Variants in PEDS1 observed in about 807,000 individuals in gnomAD.
PEDS1 encodes the protein plasmanylethanolamine desaturase 1, also known as CarF homolog.
A neutral mutation model predicts 35.2 loss-of-function variants in PEDS1; 14 were observed. The ratio of observed to expected loss-of-function variants is 0.40; its 90% CI spans 0.26 to 0.62. The LOEUF is 0.62. Ranked by LOEUF, PEDS1 falls within the 20% of genes least tolerant of loss-of-function variation. The pLI is 0.44. For missense variants in PEDS1, 260 were observed against 367.8 expected (o/e 0.71, Z 2.40); for synonymous variants, 152 against 152.0 (o/e 1.00, Z 0.00).
At chr20:50,152,228 G>A (rs956794330) in intron 1 of PEDS1, among the ~76,000 whole-genome samples, 1 of 152,210 alleles carries the variant, frequency 6.6e-6, no homozygotes, top group Non-Finnish European at 1.5e-5. Context: ...GTGAGGAAAT[G>A]CAAATGGTCC....
Position 50,130,206 on chromosome 20 carries a change from T to A in PEDS1, c.334-516A>T, listed in dbSNP as rs190005118. Among the ~76,000 whole-genome samples the A allele has an allele frequency of 1.7e-3, 262 of 152,172 alleles. 1 individual carries two copies. Among genetic ancestry groups the A allele is most frequent in the Non-Finnish European group, 2.2e-3 (153 of 68,006 alleles). On this transcript the variant is annotated intron_variant, in intron 3 of 5. Transcript: ENST00000371652. ...CCTGAGGGCCCAGCACGTGACCCAA[T>A]CTGGGCCAATGGGAGTGAGCCGTGG...
Position 50,128,291 on chromosome 20 carries a change from C to A in PEDS1, c.479-104G>T. 7.1e-7 allele frequency: 1 copy of A among 1,405,736 alleles called. No individual in the cohort carries two copies. Among genetic ancestry groups the A allele is most frequent in the Non-Finnish European group, 9.7e-7 (1 of 1,033,028 alleles). 87.1% of individuals were successfully genotyped at this position (1,405,736 alleles called of 1,614,324 possible). On this transcript the variant is annotated intron_variant, in intron 4 of 5. Transcript: ENST00000371652. The surrounding 1 kb of genome is among the most constrained non-coding windows in gnomAD (Gnocchi z 5.2). Reference sequence around the variant, plus strand: ...GCTCCTGGGCGGCTCCTGAGCTGGGCAAGCACCCAGGATTCTCTTCCACCC... The same window carrying A: ...GCTCCTGGGCGGCTCCTGAGCTGGGAAAGCACCCAGGATTCTCTTCCACCC...
In PEDS1 at chr20:50,121,903, C is replaced by T. The variant is rs1374877065; in HGVS notation, c.*3155G>A. ...TAAAGAATTTAGCTGCCTGTCCCAT[C>T]CACCATTGACTTCTTTTTGTAGTAA... On this transcript the variant is annotated 3_prime_UTR_variant, in exon 6 of 6. Transcript: ENST00000371652. 1.3e-5 allele frequency: 2 copies of T among 152,204 alleles called. No individual in the cohort carries two copies. Among genetic ancestry groups the T allele is most frequent in the Non-Finnish European group, 1.5e-5 (1 of 68,048 alleles). The allele number at this position is 152,204 out of a possible 1,614,324, so 9.4% of individuals were successfully genotyped here.
intron 1 of PEDS1, among the ~76,000 whole-genome samples, chr20:50,146,515 T>A (rs1167139570): frequency 6.6e-6 from 1 of 152,072 alleles, no homozygotes; most frequent in Non-Finnish European, 1.5e-5. Flanking sequence ...CTCACCGACA[T>A]ACCTTGGGAA....
chr20:50,143,390 C>A, intron 2 of PEDS1, 112 bp downstream of exon 2: 1 of 1,497,546 alleles, frequency 6.7e-7, no homozygotes, highest in Non-Finnish European at 9.0e-7. Context: ...AAGGCACATA[C>A]TGGACTCAAG....
At position 50,149,231 on chromosome 20, in the gene PEDS1, G is replaced by A. The variant is rs112352985; in HGVS notation, c.121+4286C>T. The stretch of plus-strand genomic sequence containing the variant: ...CCTGGGTTCAGCTTTGGGAGTACAG[G>A]CCAGGACTCTCACCCAGTACTCCTG... On this transcript the variant is annotated intron_variant, in intron 1 of 5. Coordinates refer to ENST00000371652, the MANE Select transcript of PEDS1 (RefSeq NM_199129.4). 1.6e-3 allele frequency among the ~76,000 whole-genome samples: 243 copies of A among 152,232 alleles called. 2 individuals are homozygous for A. Among genetic ancestry groups the A allele is most frequent in the Non-Finnish European group, 2.6e-3 (180 of 68,012 alleles).
Position 50,153,589 on chromosome 20 carries a change from C to T in PEDS1, c.49G>A (p.Asp17Asn), listed in dbSNP as rs1015607501. ...WPGQQLELDE[D>N]EASCCRWGAQ... The stretch of plus-strand genomic sequence containing the variant: ...CCCCAGCGGCAACAAGACGCCTCGT[C>T]CTCGTCCAGCTCCAGCTGCTGGCCC... The change falls in exon 1 of 6, where the codon GAC (aspartate) becomes AAC (asparagine). Residue 17 changes from aspartate (D) to asparagine (N), a missense_variant. This residue lies in a region of PEDS1 where 114 missense variants were observed against 121.6 expected (regional missense o/e 0.94). Coordinates refer to ENST00000371652, the MANE Select transcript of PEDS1 (RefSeq NM_199129.4). The T allele has an allele frequency of 7.0e-7, 1 of 1,427,822 alleles. No homozygotes were observed. Among genetic ancestry groups the T allele is most frequent in the Admixed American group, 2.5e-5 (1 of 40,714 alleles). The allele number at this position is 1,427,822 out of a possible 1,614,324, so 88.4% of individuals were successfully genotyped here.
rs2081063340 is a variant in PEDS1, at chr20:50,122,942, A to AG, written c.*2115_*2116insC. On this transcript the variant is annotated 3_prime_UTR_variant, in exon 6 of 6. Transcript: ENST00000371652. Reference sequence around the variant, plus strand: ...GTGAGACCCCATTTCTTTAAAAAAAAAAAAAAATAGCCAAGCCAGGTGTGG... The same window carrying AG: ...GTGAGACCCCATTTCTTTAAAAAAAAGAAAAAAATAGCCAAGCCAGGTGTGG... 6.6e-6 allele frequency: 1 copy of AG among 151,382 alleles called. No homozygotes were observed. The highest frequency in any genetic ancestry group is 1.5e-5 in the Non-Finnish European group (1 of 67,934). The allele number at this position is 151,382 out of a possible 1,614,324, so 9.4% of individuals were successfully genotyped here. A position where few individuals can be genotyped will look rare whatever the true frequency, so the allele number is the denominator to read the frequency against.
At chr20:50,152,846 C>T (rs920646084) in intron 1 of PEDS1, among the ~76,000 whole-genome samples, 2 of 151,782 alleles carry the variant, frequency 1.3e-5, no homozygotes, top group Non-Finnish European at 2.9e-5. Context: ...AGGACTGATG[C>T]TCACCACTGG....
chr20:50,138,965 C>A (rs536638050), intron 2 of PEDS1, among the ~76,000 whole-genome samples: 3 of 152,210 alleles, frequency 2.0e-5, no homozygotes, highest in South Asian at 4.1e-4. Flanking sequence ...GACTTCCTCA[C>A]CCCTCCCTGC....
intron 2 of PEDS1, among the ~76,000 whole-genome samples, chr20:50,135,055 C>A (rs1019178673): frequency 1.3e-5 from 2 of 151,556 alleles, no homozygotes; most frequent in Non-Finnish European, 2.9e-5. Context: ...TGTGGTGGTG[C>A]GGACCTGTAG....
chr20:50,126,823 T>G (rs1040377044), intron 5 of PEDS1, among the ~76,000 whole-genome samples: 4 of 152,204 alleles, frequency 2.6e-5, no homozygotes, highest in African/African-American at 9.7e-5. Context: ...TTTCCCTTCC[T>G]CCACTGCACT....
intron 5 of PEDS1, among the ~76,000 whole-genome samples, chr20:50,126,283 T>C (rs1446201072): frequency 1.3e-5 from 2 of 152,140 alleles, no homozygotes; most frequent in African/African-American, 2.4e-5. Context: ...TCAGTCCCAT[T>C]TTCCACATGA....
chr20:50,130,963 T>C lies in PEDS1; in HGVS notation c.242-16A>G, dbSNP rs2147276108. On this transcript the variant is annotated splice_polypyrimidine_tract_variant and intron_variant, in intron 2 of 5. Coordinates refer to ENST00000371652, the MANE Select transcript of PEDS1 (RefSeq NM_199129.4). ...GCCCCTGCAACTGTGGACAAGAGGGTGAGTGAAGGGACATCCCTGCACCCC... is the reference window on the plus strand; with the variant it reads ...GCCCCTGCAACTGTGGACAAGAGGGCGAGTGAAGGGACATCCCTGCACCCC... The C allele has an allele frequency of 6.2e-7, 1 of 1,614,126 alleles. No homozygotes were observed. The highest frequency in any genetic ancestry group is 1.1e-5 in the South Asian group (1 of 91,070).
At chr20:50,144,867 A>G (rs1020748183) in intron 1 of PEDS1, among the ~76,000 whole-genome samples, 1 of 152,196 alleles carries the variant, frequency 6.6e-6, no homozygotes, top group African/African-American at 2.4e-5. Flanking sequence ...TTAAAGTACT[A>G]GCATATTACA....
Position 50,143,521 on chromosome 20 carries a change from G to T in PEDS1, c.222C>A (p.Pro74=), listed in dbSNP as rs1056766927. Residue 74 remains proline, a synonymous_variant, in exon 2 of 6, where the codon CCC becomes CCA. Coordinates refer to ENST00000371652, the MANE Select transcript of PEDS1 (RefSeq NM_199129.4). ...ACTCACCAACACCGAGTATGACGAG[G>T]GGTGTGTCCTCCCAGCGGGCCAGCA... ...LLLLARWEDT[P]LVILGVVAGA... 4 of 1,610,532 alleles carry T rather than the reference G, an allele frequency of 2.5e-6. No individual in the cohort carries two copies. The highest frequency in any genetic ancestry group is 3.4e-6 in the Non-Finnish European group (4 of 1,178,916).
At chr20:50,147,820 C>T (rs934783200) in intron 1 of PEDS1, among the ~76,000 whole-genome samples, 2 of 152,024 alleles carry the variant, frequency 1.3e-5, no homozygotes, top group Non-Finnish European at 2.9e-5. Flanking sequence ...TTTGGGAGGC[C>T]GAGGTGGGCA....
At chr20:50,132,437 G>A (rs570402512) in intron 2 of PEDS1, among the ~76,000 whole-genome samples, 2 of 152,148 alleles carry the variant, frequency 1.3e-5, no homozygotes, top group African/African-American at 4.8e-5. Context: ...TCCCTTGCAT[G>A]CCTCTGGGTC....
At chr20:50,134,771 T>C (rs926003103) in intron 2 of PEDS1, among the ~76,000 whole-genome samples, 10 of 152,344 alleles carry the variant, frequency 6.6e-5, no homozygotes, top group African/African-American at 2.2e-4. Context: ...GTAAAGGCCA[T>C]AGGCCTTACA....
Sources: allele counts gnomAD v4.1 joint callset (sites outside exome capture counted in the v4.1 genomes callset), GRCh38; gene constraint gnomAD v4.1.1; regional missense constraint gnomAD v4.1.1; non-coding constraint Gnocchi (gnomAD v3.1); transcripts MANE v1.5; gene names NCBI Gene and HGNC (gene_info 2026-07-23, HGNC 2026-07-21).